The following CHTF18 variants were observed in gnomAD, a reference collection of about 807,000 sequenced individuals.
CHTF18 encodes the protein chromosome transmission fidelity protein 18 homolog.
CHTF18 carries 151 observed loss-of-function variants against 113.4 expected under a neutral mutation model. That is an observed-to-expected ratio of 1.33 (90% CI 1.17 to 1.52). The LOEUF (loss-of-function observed/expected upper bound fraction) is 1.52. CHTF18 is among the 40% of genes most tolerant of loss of function. CHTF18 has a pLI of 0.00. For missense variants in CHTF18, 1,982 were observed against 1,381.6 expected (o/e 1.43, Z -6.89); for synonymous variants, 916 against 598.8 (o/e 1.53, Z -7.74).
intron 4 of CHTF18, 32 bp downstream of exon 4, chr16:789,747 TG>T (rs1420706045): frequency 1.3e-6 from 2 of 1,551,404 alleles, no homozygotes; most frequent in Non-Finnish European, 1.7e-6. Context: ...GCACGGTGGG[TG>T]GGCCAGTGCT....
intron 6 of CHTF18, 55 bp downstream of exon 6, chr16:790,454 C>G (rs779743553): frequency 6.2e-7 from 1 of 1,610,174 alleles, no homozygotes; most frequent in Non-Finnish European, 8.5e-7. Context: ...TGCACCAACT[C>G]CTAGCTCCTA....
At position 796,753 on chromosome 16, in the gene CHTF18, T is replaced by TGCCC; in HGVS notation, c.2496_2499dup (p.Lys834ProfsTer64). 1 of 1,606,684 alleles carries TGCCC rather than the reference T, an allele frequency of 6.2e-7. No individual in the cohort carries two copies. The highest frequency in any genetic ancestry group is 1.7e-5 in the Admixed American group (1 of 59,952). On this transcript the variant is annotated frameshift_variant, in exon 19 of 22. Transcript: ENST00000262315. LOFTEE classifies it high-confidence loss of function. ...AACTCTGCCGCTTCCCTGAGCTGCC[T>TGCCC]GCCCGCAAGCCCCTCACCTACCAGA...
At chr16:791,116 A>C (rs569093423) in intron 7 of CHTF18, 45 bp from the exon 8 acceptor site, 1 of 1,570,560 alleles carries the variant, frequency 6.4e-7, no homozygotes, top group Admixed American at 1.9e-5. Flanking sequence ...CCGTGCCTGG[A>C]GGCGGTGCCC....
Position 789,080 on chromosome 16 carries a change from A to G in CHTF18, c.241A>G (p.Arg81Gly). 6.5e-7 allele frequency: 1 copy of G among 1,535,090 alleles called. No individual in the cohort carries two copies. Among genetic ancestry groups the G allele is most frequent in the East Asian group, 2.5e-5 (1 of 40,618 alleles). ...VGSSQGGARK[R>G]QVDADLQPAG... ...CAGCAGCCAGGGCGGCGCCAGGAAGAGGCAGGTGGACGCCGACCTGCAGCC... is the reference window on the plus strand; with the variant it reads ...CAGCAGCCAGGGCGGCGCCAGGAAGGGGCAGGTGGACGCCGACCTGCAGCC... The change falls in exon 2 of 22, where the codon AGG becomes GGG. Residue 81 changes from arginine (R) to glycine (G), a missense_variant. Coordinates refer to ENST00000262315, the MANE Select transcript of CHTF18 (RefSeq NM_022092.3).
At chr16:796,530 G>C (rs2042352945) in intron 18 of CHTF18, 187 bp from the exon 19 acceptor site, 2 of 651,526 alleles carry the variant, frequency 3.1e-6, no homozygotes, top group Non-Finnish European at 5.1e-6. Context: ...TTGCAGTTGG[G>C]GAAACTGAGG....
At chr16:796,310 C>G (rs1284186009) in intron 18 of CHTF18, among the ~76,000 whole-genome samples, 2 of 152,242 alleles carry the variant, frequency 1.3e-5, no homozygotes, top group African/African-American at 4.8e-5. Flanking sequence ...CCTTAGCACC[C>G]CCACATGGAA....
At chr16:791,553 T>C (rs1157084837) in intron 8 of CHTF18, 183 bp downstream of exon 8, 4 of 1,435,048 alleles carry the variant, frequency 2.8e-6, no homozygotes, top group Non-Finnish European at 2.7e-6. Context: ...GGGAAGTCGT[T>C]GTCCCTGAAG....
Position 788,702 on chromosome 16 carries a change from G to C in CHTF18, c.18G>C (p.Gln6His). The change falls in exon 1 of 22, where the codon CAG (glutamine) becomes CAC (histidine). Residue 6 changes from glutamine (Q) to histidine (H), a missense_variant. Coordinates refer to ENST00000262315, the MANE Select transcript of CHTF18 (RefSeq NM_022092.3). ...CGGACGGTATGGAGGACTACGAGCA[G>C]GAGCTGTGCGGCGTCGAGGATGATT... Reference protein sequence around the residue: MEDYEQELCGVEDDFH... With the variant: MEDYEHELCGVEDDFH... 1.3e-6 allele frequency: 2 copies of C among 1,598,498 alleles called. No individual in the cohort carries two copies. The highest frequency in any genetic ancestry group is 1.7e-6 in the Non-Finnish European group (2 of 1,174,122).
At position 789,140 on chromosome 16, in the gene CHTF18, T is replaced by C. The variant is rs1465681567; in HGVS notation, c.286+15T>C. On this transcript the variant is annotated intron_variant, in intron 2 of 21. Coordinates refer to ENST00000262315, the MANE Select transcript of CHTF18 (RefSeq NM_022092.3). ...CCTGCCCCACGGTAGGTTGGCGGCA[T>C]TGCCCCAGGGCCTCCGGAGTGGGCG... 2.6e-5 allele frequency: 41 copies of C among 1,547,402 alleles called. No individual in the cohort carries two copies. The highest frequency in any genetic ancestry group is 3.6e-4 in the Middle Eastern group (2 of 5,606).
At chr16:796,519 C>T (rs961094672) in intron 18 of CHTF18, 198 bp from the exon 19 acceptor site, 5 of 625,454 alleles carry the variant, frequency 8.0e-6, no homozygotes, top group African/African-American at 5.6e-5. Context: ...CCCACGTACA[C>T]TTGCAGTTGG....
At position 792,292 on chromosome 16, in the gene CHTF18, G is replaced by A. The variant is rs989771924; in HGVS notation, c.1271G>A (p.Gly424Asp). 1.3e-6 allele frequency: 2 copies of A among 1,555,832 alleles called. No individual in the cohort carries two copies. Among genetic ancestry groups the A allele is most frequent in the Non-Finnish European group, 8.7e-7 (1 of 1,150,514 alleles). Residue 424 changes from glycine (G) to aspartate (D), a missense_variant, in exon 10 of 22, where the codon GGT becomes GAT. Coordinates refer to ENST00000262315, the MANE Select transcript of CHTF18 (RefSeq NM_022092.3). ...GCCACCCAGATGGAGTCGGTGCTGG[G>A]TGCTGGCGGGAAGCCCAACTGCCTG... ...EAATQMESVL[G>D]AGGKPNCLVI...
At chr16:794,227 G>A (rs1370950528) in intron 15 of CHTF18, 26 bp downstream of exon 15, 4 of 1,602,764 alleles carry the variant, frequency 2.5e-6, no homozygotes, top group Admixed American at 3.4e-5. Context: ...CAAAATGCCT[G>A]CCTGGGGCCG....
rs201427242 is a variant in CHTF18 at position 795,841 on chromosome 16, G to A, written c.2325+7G>A. The A allele has an allele frequency of 1.2e-4, 188 of 1,608,468 alleles. 1 individual carries two copies. The Admixed American group carries it at 3.1e-3, about 26-fold the overall frequency. ...TGCACCCAAGCTCCGCCCCGTGAGT[G>A]CCGTCCCCGGGGTGGGGGATTCCCC... On this transcript the variant is annotated splice_region_variant and intron_variant, in intron 17 of 21. Transcript: ENST00000262315.
chr16:793,130 C>T lies in CHTF18; in HGVS notation c.1672-14C>T, dbSNP rs748717584. 132 of 1,588,318 alleles carry T rather than the reference C, an allele frequency of 8.3e-5. No homozygotes were observed. The East Asian group carries it at 9.7e-4, about 12-fold the overall frequency. ...AGGAGTTGGCCGCTTCTCATGCCCC[C>T]GCCCTATGTCTAGTTCCTGTACAGC... On this transcript the variant is annotated splice_polypyrimidine_tract_variant and intron_variant, in intron 13 of 21. Transcript: ENST00000262315.
chr16:790,044 T>C lies in CHTF18; in HGVS notation c.607-133T>C, dbSNP rs533470623. 9.4e-4 allele frequency: 1,439 copies of C among 1,536,164 alleles called. 2 individuals are homozygous for C. Among genetic ancestry groups the C allele is most frequent in the South Asian group, 1.9e-3 (161 of 83,530 alleles). The stretch of plus-strand genomic sequence containing the variant: ...GATGGCTTCATTCCTTTGGCACCCC[T>C]GTCCAGTCTCCCACCCCTCACTGGC... On this transcript the variant is annotated intron_variant, in intron 4 of 21. Transcript: ENST00000262315.
At position 793,281 on chromosome 16, in the gene CHTF18, G is replaced by A. The variant is rs766335670; in HGVS notation, c.1802+7G>A. 1.3e-5 allele frequency: 21 copies of A among 1,605,422 alleles called. No individual in the cohort carries two copies. Among genetic ancestry groups the A allele is most frequent in the South Asian group, 2.2e-5 (2 of 89,916 alleles). On this transcript the variant is annotated splice_region_variant and intron_variant, in intron 14 of 21. Coordinates refer to ENST00000262315, the MANE Select transcript of CHTF18 (RefSeq NM_022092.3). ...AGCTGCCTCGAGCCCAGAGGTAGGC[G>A]GTGGCCACAGCCTCGGCCCAGATGC...
In CHTF18 at chr16:798,021, CAG is replaced by C. The variant is rs762554967; in HGVS notation, c.*50_*51del. ...CCCTCGCATTGCTTCCCGCAGAGTG[CAG>C]AGACAGGAAGCTGGAGATGTCTTTA... On this transcript the variant is annotated 3_prime_UTR_variant, in exon 22 of 22. Coordinates refer to ENST00000262315, the MANE Select transcript of CHTF18 (RefSeq NM_022092.3). 1.3e-6 allele frequency: 2 copies of C among 1,578,820 alleles called. No individual in the cohort carries two copies. The highest frequency in any genetic ancestry group is 1.1e-5 in the South Asian group (1 of 87,610).
intron 4 of CHTF18, 123 bp downstream of exon 4, chr16:789,838 A>T (rs2277899): frequency 4.0e-5 from 53 of 1,340,014 alleles, no homozygotes; most frequent in Middle Eastern, 3.8e-4. Context: ...AGGGGTGCAG[A>T]GGGGGAGGCT....
Position 794,219 on chromosome 16 carries a change from A to G in CHTF18, c.1950+18A>G, listed in dbSNP as rs1567401928. The G allele has an allele frequency of 2.5e-6, 4 of 1,605,924 alleles. No homozygotes were observed. The highest frequency in any genetic ancestry group is 2.7e-5 in the African/African-American group (2 of 74,912). On this transcript the variant is annotated intron_variant, in intron 15 of 21. Coordinates refer to ENST00000262315, the MANE Select transcript of CHTF18 (RefSeq NM_022092.3). ...TGGTCCAGGTACCTGTCTTCCACCA[A>G]AATGCCTGCCTGGGGCCGCCTGGCT...
Sources: gnomAD v4.1 joint callset for allele counts (sites outside exome capture counted in the v4.1 genomes callset) on GRCh38, gnomAD v4.1.1 for gene constraint, MANE v1.5 for transcripts, NCBI Gene and HGNC (gene_info 2026-07-23, HGNC 2026-07-21) for gene names.